Variants in WDR62 observed in about 807,000 individuals in gnomAD.
WDR62 encodes WD repeat-containing protein 62.
WDR62 carries 112 observed loss-of-function variants against 160.6 expected under a neutral mutation model. That is an observed-to-expected ratio of 0.70 (90% CI 0.60 to 0.82). The LOEUF is 0.82. Among genes scored for constraint, WDR62 ranks in the 40% least tolerant of loss-of-function variants. WDR62 has a pLI of 0.00. For synonymous variants in WDR62, 792 were observed against 815.1 expected (o/e 0.97, Z 0.48); for missense variants, 1,819 against 1,983.8 (o/e 0.92, Z 1.58).
At chr19:36,109,786 G>A (rs1973775100), downstream of WDR62, among the ~76,000 whole-genome samples, 1 of 151,186 alleles carries the variant, frequency 6.6e-6, no homozygotes, top group Non-Finnish European at 1.5e-5. Flanking sequence ...GGGCGCGGTG[G>A]CTCACGCCTG....
At chr19:36,079,237 A>T (rs987228957) in intron 9 of WDR62, among the ~76,000 whole-genome samples, 2 of 151,980 alleles carry the variant, frequency 1.3e-5, no homozygotes, top group Admixed American at 6.6e-5. Flanking sequence ...ATGCACTACC[A>T]TGCCCAGCTA....
chr19:36,083,359 G>A (rs1972016230), intron 11 of WDR62, 118 bp downstream of exon 11: 6 of 1,043,532 alleles, frequency 5.7e-6, no homozygotes, highest in Non-Finnish European at 2.9e-6. Flanking sequence ...ATGAGGGGCT[G>A]TGAATAGTAA....
chr19:36,093,891 G>A (rs901145339), intron 19 of WDR62, 140 bp from the exon 20 acceptor site: 2 of 1,015,534 alleles, frequency 2.0e-6, no homozygotes, highest in East Asian at 2.4e-5. Flanking sequence ...CATCAAGTGA[G>A]AGACTTGCCA....
At chr19:36,061,282 A>C (rs565601036) in intron 3 of WDR62, 2 of 152,174 alleles carry the variant, frequency 1.3e-5, no homozygotes, top group Non-Finnish European at 1.5e-5. Flanking sequence ...TCAAGCGTCT[A>C]TTCACTGTGG....
chr19:36,063,235 A>G (rs377250290), intron 3 of WDR62, among the ~76,000 whole-genome samples: 1,788 of 149,946 alleles, frequency 0.012, 16 homozygotes, highest in South Asian at 0.042. Flanking sequence ...GAGCCACAGC[A>G]CCTGGCCACT....
Position 36,103,499 on chromosome 19 carries a change from C to T in WDR62, c.3671C>T (p.Ser1224Phe). 6.2e-7 allele frequency: 1 copy of T among 1,614,176 alleles called. No individual in the cohort carries two copies. Among genetic ancestry groups the T allele is most frequent in the Non-Finnish European group, 8.5e-7 (1 of 1,180,032 alleles). The change falls in exon 30 of 32, where the codon TCC becomes TTC. Residue 1224 changes from serine (S) to phenylalanine (F), a missense_variant. Around this residue, in one of 3 missense-constraint regions of WDR62, gnomAD observed 770 missense variants for 734.2 expected, o/e 1.05. Coordinates refer to ENST00000401500, the MANE Select transcript of WDR62 (RefSeq NM_001083961.2). ...TCSYMEATAS[S>F]RARISRSISL... is the part of the protein sequence containing the mutation. Reference sequence around the variant, plus strand: ...TCCTACATGGAGGCCACTGCCAGCTCCCGTGCCAGGATATCACGCAGCATC... The same window carrying T: ...TCCTACATGGAGGCCACTGCCAGCTTCCGTGCCAGGATATCACGCAGCATC...
Position 36,067,407 on chromosome 19 carries a change from G to A in WDR62, c.663G>A (p.Val221=), listed in dbSNP as rs1250064295. ...SYFVTVGNRH[V]RFWFLEVSTE... is the part of the protein sequence containing the mutation. ...TTGTCACTGTTGGGAACCGCCATGT[G>A]AGGTTCTGGTTCTTGGAAGTCTCCA... The change falls in exon 6 of 32, where the codon GTG becomes GTA. Residue 221 remains valine, a synonymous_variant. Transcript: ENST00000401500. 1.2e-6 allele frequency: 2 copies of A among 1,614,132 alleles called. No individual in the cohort carries two copies. Among genetic ancestry groups the A allele is most frequent in the South Asian group, 2.2e-5 (2 of 91,092 alleles).
intron 20 of WDR62, 133 bp from the exon 21 acceptor site, chr19:36,096,894 C>A: frequency 1.2e-6 from 1 of 806,408 alleles, no homozygotes; most frequent in Non-Finnish European, 2.1e-6. Context: ...GTTTGCATTT[C>A]CCTAACCCCC....
In WDR62 at chr19:36,099,576, G is replaced by C. The variant is rs759996179; in HGVS notation, c.2698G>C (p.Asp900His). ...KPESLENSILDSLEPQSLASL... is the reference protein window; with the variant it reads ...KPESLENSILHSLEPQSLASL... ...CGAGAGTCTGGAGAACTCCATTCTGGATTCACTGGAGCCACAGAGCCTGGC... is the reference window on the plus strand; with the variant it reads ...CGAGAGTCTGGAGAACTCCATTCTGCATTCACTGGAGCCACAGAGCCTGGC... Residue 900 changes from aspartate to histidine, a missense_variant, in exon 22 of 32, where the codon GAT becomes CAT. Transcript: ENST00000401500. 3.7e-6 allele frequency: 6 copies of C among 1,614,218 alleles called. No homozygotes were observed.
At chr19:36,059,302 T>C (rs1970524519) in intron 2 of WDR62, among the ~76,000 whole-genome samples, 1 of 152,162 alleles carries the variant, frequency 6.6e-6, no homozygotes, top group South Asian at 2.1e-4. Context: ...CCATAAATAC[T>C]CATGTAGCCT....
downstream of WDR62, among the ~76,000 whole-genome samples, chr19:36,108,833 G>A (rs1206392734): frequency 7.1e-6 from 1 of 139,892 alleles, no homozygotes; most frequent in Non-Finnish European, 1.5e-5. Flanking sequence ...CAGCCTAGGT[G>A]ACAAAGCAAG....
chr19:36,104,066 T>G, intron 30 of WDR62, 85 bp downstream of exon 30: 1 of 1,528,628 alleles, frequency 6.5e-7, no homozygotes, highest in Non-Finnish European at 8.9e-7. Flanking sequence ...ATACTTGACC[T>G]GGCCACAGGG....
chr19:36,082,836 G>T (rs1971979427), intron 10 of WDR62, among the ~76,000 whole-genome samples: 1 of 152,214 alleles, frequency 6.6e-6, no homozygotes. Context: ...ATGGAGAAAA[G>T]ACAGCAGAAG....
In WDR62 at chr19:36,067,408, A is replaced by C; in HGVS notation, c.664A>C (p.Arg222=). 1 of 1,614,124 alleles carries C rather than the reference A, an allele frequency of 6.2e-7. No homozygotes were observed. Among genetic ancestry groups the C allele is most frequent in the Non-Finnish European group, 8.5e-7 (1 of 1,180,016 alleles). The part of the protein sequence containing the change: ...YFVTVGNRHV[R]FWFLEVSTET... ...TGTCACTGTTGGGAACCGCCATGTG[A>C]GGTTCTGGTTCTTGGAAGTCTCCAC... The change falls in exon 6 of 32, where the codon AGG becomes CGG. Residue 222 remains arginine, a synonymous_variant. Coordinates refer to ENST00000401500, the MANE Select transcript of WDR62 (RefSeq NM_001083961.2).
In WDR62 at chr19:36,100,960, C is replaced by T. The variant is rs547605082; in HGVS notation, c.2867+85C>T. The stretch of plus-strand genomic sequence containing the variant: ...TCCTGGAAGAAGTGCTCTCTGCCTT[C>T]CCAGTGGGCTTGTGGGAGTGGGGAC... On this transcript the variant is annotated intron_variant, in intron 23 of 31. Transcript: ENST00000401500. The T allele has an allele frequency of 1.0e-4, 166 of 1,599,132 alleles. No homozygotes were observed. In the African/African-American group the frequency reaches 2.0e-3, roughly 19 times the overall value.
chr19:36,109,361 G>C (rs1973765712), downstream of WDR62, among the ~76,000 whole-genome samples: 1 of 152,110 alleles, frequency 6.6e-6, no homozygotes, highest in Admixed American at 6.5e-5. Context: ...CACTGTCTTG[G>C]TCATTCTGGG....
intron 22 of WDR62, among the ~76,000 whole-genome samples, 174 bp downstream of exon 22, chr19:36,099,791 G>A (rs913185333): frequency 1.3e-5 from 2 of 152,226 alleles, no homozygotes; most frequent in Non-Finnish European, 2.9e-5. Context: ...AGGCAGACAG[G>A]GAGTCTTTGG....
At chr19:36,104,451 A>G (rs1286507453) in intron 30 of WDR62, 67 bp from the exon 31 acceptor site, 14 of 1,591,434 alleles carry the variant, frequency 8.8e-6, no homozygotes, top group South Asian at 2.2e-5. Flanking sequence ...GAGTCCACCC[A>G]GTCGCTCTGG....
intron 27 of WDR62, 24 bp from the exon 28 acceptor site, chr19:36,102,924 T>TC (rs769417793): frequency 2.5e-6 from 4 of 1,613,920 alleles, no homozygotes; most frequent in South Asian, 1.1e-5. Flanking sequence ...ATGAGAATCA[T>TC]CCCCCCTGCT....
Sources: gnomAD v4.1 joint callset for allele counts (sites outside exome capture counted in the v4.1 genomes callset) on GRCh38, gnomAD v4.1.1 for gene constraint, gnomAD v4.1.1 regional missense constraint, MANE v1.5 for transcripts, NCBI Gene and HGNC (gene_info 2026-07-23, HGNC 2026-07-21) for gene names.